NCALD: variants seen among roughly 807,000 people sequenced by gnomAD.
The protein encoded by NCALD is neurocalcin delta.
NCALD carries 10 observed loss-of-function variants against 18.6 expected under a neutral mutation model. That is an observed-to-expected ratio of 0.54 (90% CI 0.33 to 0.91). NCALD has a LOEUF of 0.91. Among genes scored for constraint, NCALD ranks in the 40% least tolerant of loss-of-function variants. The pLI is 0.03. For synonymous variants in NCALD, 88 were observed against 87.4 expected (o/e 1.01, Z -0.04); for missense variants, 184 against 247.6 (o/e 0.74, Z 1.72).
chr8:101,725,932 G>A (rs1816552316), intron 1 of NCALD, among the ~76,000 whole-genome samples: 1 of 152,204 alleles, frequency 6.6e-6, no homozygotes, highest in Non-Finnish European at 1.5e-5. Flanking sequence ...GTGAACGGGT[G>A]TTGGAATTTT....
chr8:101,947,791 G>A (rs1454060089), intron 2 of NCALD, among the ~76,000 whole-genome samples: 1 of 152,206 alleles, frequency 6.6e-6, no homozygotes, highest in African/African-American at 2.4e-5. Flanking sequence ...TCCACTTTCA[G>A]TTAATGCCTG....
intron 3 of NCALD, among the ~76,000 whole-genome samples, chr8:101,914,521 G>T (rs7814586): frequency 0.056 from 8,580 of 152,124 alleles, 770 homozygotes; most frequent in African/African-American, 0.19. Flanking sequence ...CCCAGGGAGG[G>T]TTATGCTTTA....
chr8:101,798,837 C>T (rs1450026016), intron 4 of NCALD, among the ~76,000 whole-genome samples: 1 of 152,142 alleles, frequency 6.6e-6, no homozygotes, highest in Non-Finnish European at 1.5e-5. Context: ...GAATGGAGAA[C>T]CCAATAGCTC....
chr8:101,880,451 C>T (rs978676320), intron 4 of NCALD, among the ~76,000 whole-genome samples: 6 of 152,194 alleles, frequency 3.9e-5, no homozygotes, highest in African/African-American at 1.4e-4. Flanking sequence ...GGAGAGGGGC[C>T]CCCACAGCGC....
chr8:101,919,490 C>T (rs1167490775), intron 2 of NCALD, among the ~76,000 whole-genome samples: 1 of 151,726 alleles, frequency 6.6e-6, no homozygotes, highest in Non-Finnish European at 1.5e-5. Flanking sequence ...TATGACTAGG[C>T]CCTCAAAAGC....
intron 2 of NCALD, among the ~76,000 whole-genome samples, chr8:101,706,137 G>A (rs1047003720): frequency 3.3e-5 from 5 of 152,162 alleles, no homozygotes; most frequent in African/African-American, 1.2e-4. Context: ...TAAAAGTGAA[G>A]AGTACCACCA....
chr8:102,072,363 G>T (rs948803859), intron 1 of NCALD, among the ~76,000 whole-genome samples: 1 of 152,146 alleles, frequency 6.6e-6, no homozygotes, highest in Non-Finnish European at 1.5e-5. Context: ...TAAAAGAGGG[G>T]AAAGATTCGG....
intron 2 of NCALD, among the ~76,000 whole-genome samples, chr8:102,006,220 T>C (rs1002083607): frequency 2.0e-5 from 3 of 152,212 alleles, no homozygotes; most frequent in African/African-American, 7.2e-5. Flanking sequence ...CCTCATATCA[T>C]TAACCCACTA....
intron 4 of NCALD, among the ~76,000 whole-genome samples, chr8:101,870,342 T>C (rs1815953798): frequency 2.0e-5 from 3 of 152,230 alleles, no homozygotes; most frequent in African/African-American, 7.2e-5. Flanking sequence ...AGTTTCTGTC[T>C]TATCTTAGGG....
At chr8:101,804,467 A>T (rs1586546020) in intron 4 of NCALD, among the ~76,000 whole-genome samples, 1 of 125,902 alleles carries the variant, frequency 7.9e-6, no homozygotes, top group African/African-American at 3.5e-5. Context: ...ATAATATATA[A>T]CAAAGATTAT....
intron 1 of NCALD, among the ~76,000 whole-genome samples, chr8:102,092,859 A>G (rs1824969020): frequency 6.6e-6 from 1 of 152,172 alleles, no homozygotes; most frequent in Non-Finnish European, 1.5e-5. Flanking sequence ...CCTTGTTATC[A>G]CAATAGGAAT....
chr8:102,075,571 C>A (rs1824316101), intron 1 of NCALD, among the ~76,000 whole-genome samples: 1 of 152,100 alleles, frequency 6.6e-6, no homozygotes, highest in Admixed American at 6.5e-5. Flanking sequence ...ATAGTTCTCC[C>A]TTCTGAGGTT....
At chr8:102,073,126 A>G (rs1304142792) in intron 1 of NCALD, among the ~76,000 whole-genome samples, 5 of 152,190 alleles carry the variant, frequency 3.3e-5, no homozygotes, top group African/African-American at 1.2e-4. Flanking sequence ...AGAATATTGC[A>G]AAGTTATTTT....
At chr8:101,985,893 T>C (rs1477330554) in intron 2 of NCALD, among the ~76,000 whole-genome samples, 1 of 152,186 alleles carries the variant, frequency 6.6e-6, no homozygotes, top group Non-Finnish European at 1.5e-5. Flanking sequence ...GACTCTTTCC[T>C]CTCAAAACTA....
At chr8:101,998,814 T>C (rs915714121) in intron 2 of NCALD, among the ~76,000 whole-genome samples, 2 of 152,146 alleles carry the variant, frequency 1.3e-5, no homozygotes, top group African/African-American at 2.4e-5. Context: ...AAGACCCCAG[T>C]GTAACCAGTT....
chr8:101,818,401 T>C (rs1422405559), intron 4 of NCALD, among the ~76,000 whole-genome samples: 1 of 152,194 alleles, frequency 6.6e-6, no homozygotes, highest in Non-Finnish European at 1.5e-5. Context: ...AGGAGAATGC[T>C]GTCTTAGGAG....
chr8:101,801,528 G>A (rs958389860), intron 4 of NCALD, among the ~76,000 whole-genome samples: 5 of 149,804 alleles, frequency 3.3e-5, no homozygotes, highest in African/African-American at 1.2e-4. Context: ...GTGGATTAAA[G>A]CTAGGAATCA....
chr8:102,027,327 C>T (rs1822494970), intron 1 of NCALD, among the ~76,000 whole-genome samples: 1 of 152,310 alleles, frequency 6.6e-6, no homozygotes, highest in South Asian at 2.1e-4. Context: ...TTAGAAATTT[C>T]TTCTGCCAGA....
intron 4 of NCALD, among the ~76,000 whole-genome samples, chr8:101,849,346 C>T (rs1011068393): frequency 2.0e-5 from 3 of 151,892 alleles, no homozygotes; most frequent in Non-Finnish European, 2.9e-5. Flanking sequence ...CACATGTACC[C>T]CTGAACTTAA....
Sources: gnomAD v4.1 joint callset for allele counts (sites outside exome capture counted in the v4.1 genomes callset) on GRCh38, gnomAD v4.1.1 for gene constraint, MANE v1.5 for transcripts, NCBI Gene and HGNC (gene_info 2026-07-23, HGNC 2026-07-21) for gene names.